BAZ2B: variants seen among roughly 807,000 people sequenced by gnomAD.
BAZ2B encodes the protein bromodomain adjacent to zinc finger domain protein 2B.
Under a neutral mutation model 246.0 loss-of-function variants are expected in BAZ2B, and 91 were observed. That is an observed-to-expected ratio of 0.37 (90% CI 0.31 to 0.44). The LOEUF (loss-of-function observed/expected upper bound fraction) is 0.44, where lower values mean the gene tolerates loss of function less well. Ranked by LOEUF, BAZ2B falls within the 20% of genes least tolerant of loss-of-function variation. BAZ2B has a pLI of 1.00. For synonymous variants in BAZ2B, 855 were observed against 860.0 expected (o/e 0.99, Z 0.10); for missense variants, 2,332 against 2,533.7 (o/e 0.92, Z 1.71).
At chr2:159,357,762 ATC>A (rs1212863155) in intron 27 of BAZ2B, among the ~76,000 whole-genome samples, 1 of 152,232 alleles carries the variant, frequency 6.6e-6, no homozygotes, top group African/African-American at 2.4e-5. Context: ...CTAACAGTAG[ATC>A]TCTCTGCAGA....
At chr2:159,583,568 T>A (rs1311308257) in intron 1 of BAZ2B, among the ~76,000 whole-genome samples, 2 of 152,160 alleles carry the variant, frequency 1.3e-5, no homozygotes, top group Non-Finnish European at 2.9e-5. Flanking sequence ...TATAGTACAA[T>A]GGCATTCATT....
At chr2:159,328,742 G>A (rs1362787102) in intron 34 of BAZ2B, among the ~76,000 whole-genome samples, 1 of 152,076 alleles carries the variant, frequency 6.6e-6, no homozygotes, top group Non-Finnish European at 1.5e-5. Flanking sequence ...GTGTGTGTAT[G>A]TGTGTGTGTA....
At chr2:159,386,279 C>A in intron 22 of BAZ2B, 74 bp downstream of exon 22, 1 of 1,376,548 alleles carries the variant, frequency 7.3e-7, no homozygotes. Context: ...TAATCTTCTG[C>A]TAATATGCTA....
intron 20 of BAZ2B, among the ~76,000 whole-genome samples, chr2:159,390,476 G>A (rs2063196082): frequency 1.3e-5 from 2 of 151,994 alleles, no homozygotes; most frequent in Admixed American, 1.3e-4. Context: ...TTTCTATTAT[G>A]TTTCATAGCT....
chr2:159,494,223 G>A (rs1297105188), intron 2 of BAZ2B, among the ~76,000 whole-genome samples: 31 of 151,812 alleles, frequency 2.0e-4, no homozygotes, highest in Admixed American at 2.0e-3. Context: ...TTAAAACTTC[G>A]GGTCATAACC....
chr2:159,703,517 T>C, the BAZ2B span, among the ~76,000 whole-genome samples: 1 of 152,034 alleles, frequency 6.6e-6, no homozygotes, highest in South Asian at 2.1e-4. Context: ...TTCCCACAAA[T>C]GTAGTCAAAA....
At chr2:159,699,151 A>G in the BAZ2B span, among the ~76,000 whole-genome samples, 1 of 152,192 alleles carries the variant, frequency 6.6e-6, no homozygotes, top group Non-Finnish European at 1.5e-5. Flanking sequence ...ATAACATACA[A>G]TCTCCCTTGT....
chr2:159,688,206 G>GT, the BAZ2B span, among the ~76,000 whole-genome samples: 47,365 of 151,366 alleles, frequency 0.31, 9,349 homozygotes, highest in Admixed American at 0.48. Context: ...CACCCAGCTA[G>GT]TTTTTTTTAA....
At chr2:159,327,512 G>A (rs749578211) in intron 34 of BAZ2B, among the ~76,000 whole-genome samples, 1 of 151,980 alleles carries the variant, frequency 6.6e-6, no homozygotes, top group Non-Finnish European at 1.5e-5. Flanking sequence ...TCTCCATTTA[G>A]TTATTTATAT....
At chr2:159,645,968 A>G in the BAZ2B span, among the ~76,000 whole-genome samples, 1 of 152,164 alleles carries the variant, frequency 6.6e-6, no homozygotes, top group Non-Finnish European at 1.5e-5. Context: ...AAAATTGCTA[A>G]TGAAGTTTCG....
chr2:159,505,255 G>A (rs1404855157), intron 2 of BAZ2B, among the ~76,000 whole-genome samples: 1 of 152,112 alleles, frequency 6.6e-6, no homozygotes, highest in African/African-American at 2.4e-5. Context: ...AGTGTAAAAT[G>A]AATTTTTTAC....
intron 2 of BAZ2B, among the ~76,000 whole-genome samples, chr2:159,546,031 A>C (rs2087289696): frequency 2.6e-5 from 4 of 152,208 alleles, no homozygotes; most frequent in Admixed American, 2.6e-4. Flanking sequence ...AGTATCATAC[A>C]ATGTTTTTGT....
At position 159,386,486 on chromosome 2, in the gene BAZ2B, A is replaced by G; in HGVS notation, c.3338T>C (p.Ile1113Thr). 1 of 1,613,710 alleles carries G rather than the reference A, an allele frequency of 6.2e-7. No individual in the cohort carries two copies. Among genetic ancestry groups the G allele is most frequent in the African/African-American group, 1.3e-5 (1 of 74,994 alleles). The change falls in exon 22 of 37, where the codon ATT becomes ACT. Residue 1113 changes from isoleucine (I) to threonine (T), a missense_variant. This residue lies in a region of BAZ2B where 328 missense variants were observed against 410.4 expected (regional missense o/e 0.80). Coordinates refer to ENST00000392783, the MANE Select transcript of BAZ2B (RefSeq NM_013450.4). ...FGKVLGFDVN[I>T]DVPNLSVLQE... ...AAGAACACTCAGGTTTGGAACATCA[A>G]TATTCACATCAAAGCCCAAAACTTT...
chr2:159,515,010 C>T (rs2083286740), intron 2 of BAZ2B, among the ~76,000 whole-genome samples: 1 of 151,886 alleles, frequency 6.6e-6, no homozygotes, highest in South Asian at 2.1e-4. Context: ...AAGAAACTAC[C>T]TTAATTCTTT....
At chr2:159,542,242 G>A (rs959412213) in intron 2 of BAZ2B, among the ~76,000 whole-genome samples, 18 of 152,114 alleles carry the variant, frequency 1.2e-4, no homozygotes, top group African/African-American at 4.3e-4. Context: ...GGAGAAGAAA[G>A]AGAGAAAGGA....
At chr2:159,435,783 C>A (rs2072166581) in intron 8 of BAZ2B, among the ~76,000 whole-genome samples, 1 of 152,244 alleles carries the variant, frequency 6.6e-6, no homozygotes, top group Non-Finnish European at 1.5e-5. Flanking sequence ...AGCCACCGCA[C>A]TCAGCCTGAA....
At chr2:159,368,777 G>A (rs73967845) in intron 27 of BAZ2B, among the ~76,000 whole-genome samples, 15,229 of 149,240 alleles carry the variant, frequency 0.1, 1,187 homozygotes, top group African/African-American at 0.22. Flanking sequence ...AGAAATCAGT[G>A]TCCAGAGAGG....
intron 2 of BAZ2B, among the ~76,000 whole-genome samples, chr2:159,479,195 G>A (rs775852367): frequency 3.9e-5 from 6 of 151,972 alleles, no homozygotes; most frequent in Non-Finnish European, 7.4e-5. Flanking sequence ...ATCTGGCCTG[G>A]GAATCCCCCC....
chr2:159,321,470 C>T (rs1467068600), intron 36 of BAZ2B, among the ~76,000 whole-genome samples: 2 of 152,160 alleles, frequency 1.3e-5, no homozygotes, highest in African/African-American at 4.8e-5. Flanking sequence ...TTTGGTGCAG[C>T]ACTGTTCACA....
Sources: gnomAD v4.1 joint callset for allele counts (sites outside exome capture counted in the v4.1 genomes callset) on GRCh38, gnomAD v4.1.1 for gene constraint, gnomAD v4.1.1 regional missense constraint, MANE v1.5 for transcripts, NCBI Gene and HGNC (gene_info 2026-07-23, HGNC 2026-07-21) for gene names.